ARHGAP26: variants seen among roughly 807,000 people sequenced by gnomAD.
ARHGAP26 encodes rho GTPase-activating protein 26.
ARHGAP26 carries 38 observed loss-of-function variants against 104.8 expected under a neutral mutation model. That is an observed-to-expected ratio of 0.36 (90% CI 0.28 to 0.48). The LOEUF (loss-of-function observed/expected upper bound fraction) is 0.48, where lower values mean the gene tolerates loss of function less well. ARHGAP26 is among the 20% of genes least tolerant of loss of function. The probability of loss-of-function intolerance (pLI) is 0.99; values close to 1 mark genes in which losing one functional copy is unlikely to be tolerated. For synonymous variants in ARHGAP26, 341 were observed against 340.0 expected (o/e 1.00, Z -0.03); for missense variants, 704 against 947.9 (o/e 0.74, Z 3.38).
intron 1 of ARHGAP26, among the ~76,000 whole-genome samples, chr5:142,790,855 A>G (rs753046715): frequency 1.3e-5 from 2 of 152,166 alleles, no homozygotes; most frequent in Non-Finnish European, 2.9e-5. Flanking sequence ...CTAAAGTCTC[A>G]GGTAGCTGTC....
chr5:143,208,299 G>A (rs1448106024), intron 21 of ARHGAP26, among the ~76,000 whole-genome samples: 1 of 152,202 alleles, frequency 6.6e-6, no homozygotes, highest in African/African-American at 2.4e-5. Context: ...TCAGCTTTCA[G>A]ACAACCAAAT....
chr5:143,040,699 G>C (rs1038596859), intron 13 of ARHGAP26, among the ~76,000 whole-genome samples: 1 of 152,230 alleles, frequency 6.6e-6, no homozygotes, highest in Non-Finnish European at 1.5e-5. Context: ...TTTAAGCTGA[G>C]ATCTGAATGA....
intron 14 of ARHGAP26, among the ~76,000 whole-genome samples, chr5:143,048,615 C>T (rs1784551622): frequency 6.6e-6 from 1 of 151,432 alleles, no homozygotes; most frequent in African/African-American, 2.4e-5. Flanking sequence ...ACGAATTATG[C>T]CATAGAAGAC....
At chr5:143,125,917 A>G (rs953543839) in intron 18 of ARHGAP26, among the ~76,000 whole-genome samples, 3 of 152,246 alleles carry the variant, frequency 2.0e-5, no homozygotes, top group Non-Finnish European at 4.4e-5. Context: ...GGAGAGGAAC[A>G]GGGGTTGAAC....
chr5:143,097,888 G>A (rs1599002518), intron 17 of ARHGAP26, among the ~76,000 whole-genome samples: 2 of 151,064 alleles, frequency 1.3e-5, no homozygotes, highest in African/African-American at 4.9e-5. Flanking sequence ...TAATTCAGAT[G>A]TCTCTGACAT....
At chr5:143,024,994 T>A (rs1174794423) in intron 12 of ARHGAP26, among the ~76,000 whole-genome samples, 2 of 152,196 alleles carry the variant, frequency 1.3e-5, no homozygotes, top group African/African-American at 4.8e-5. Flanking sequence ...ATCTTTGGTT[T>A]TTTTGGAAGA....
intron 17 of ARHGAP26, among the ~76,000 whole-genome samples, chr5:143,086,320 T>C (rs565424456): frequency 6.6e-6 from 1 of 152,152 alleles, no homozygotes; most frequent in Non-Finnish European, 1.5e-5. Context: ...ATTTTGACTG[T>C]GGGGGAAATA....
intron 11 of ARHGAP26, among the ~76,000 whole-genome samples, chr5:142,936,108 AACACACACACACACACAC>A (rs149919795): frequency 7.2e-6 from 1 of 139,762 alleles, no homozygotes; most frequent in East Asian, 2.1e-4. Context: ...AATCCCAAGG[AACACACACACACACACAC>A]ACACACACAC....
intron 11 of ARHGAP26, among the ~76,000 whole-genome samples, chr5:142,977,017 C>T (rs1052317352): frequency 6.6e-6 from 1 of 152,166 alleles, no homozygotes; most frequent in Non-Finnish European, 1.5e-5. Context: ...TGTATTCATC[C>T]CTAAAGTGGT....
At chr5:143,113,937 A>G (rs575994493) in intron 17 of ARHGAP26, among the ~76,000 whole-genome samples, 341 of 152,200 alleles carry the variant, frequency 2.2e-3, no homozygotes, top group African/African-American at 7.8e-3. Context: ...GGTTGGGAGT[A>G]TGGACTCTGC....
chr5:142,842,105 T>G (rs1770924207), intron 1 of ARHGAP26, among the ~76,000 whole-genome samples: 1 of 152,212 alleles, frequency 6.6e-6, no homozygotes, highest in South Asian at 2.1e-4. Flanking sequence ...ATTATTTTGA[T>G]TTGTGTTAAT....
intron 3 of ARHGAP26, among the ~76,000 whole-genome samples, chr5:142,876,245 A>G (rs1282630050): frequency 1.3e-5 from 2 of 152,158 alleles, no homozygotes; most frequent in East Asian, 1.9e-4. Flanking sequence ...ATACTGCATC[A>G]ATCAACATTT....
chr5:142,819,377 A>G (rs1765701398), intron 1 of ARHGAP26, among the ~76,000 whole-genome samples: 1 of 152,188 alleles, frequency 6.6e-6, no homozygotes, highest in Non-Finnish European at 1.5e-5. Flanking sequence ...GACAGGTCAC[A>G]AAAAGGACAC....
intron 11 of ARHGAP26, among the ~76,000 whole-genome samples, chr5:143,003,342 C>T (rs935276125): frequency 6.6e-6 from 1 of 152,190 alleles, no homozygotes; most frequent in African/African-American, 2.4e-5. Flanking sequence ...AATGTGAAAG[C>T]ATTGCCATAA....
intron 4 of ARHGAP26, among the ~76,000 whole-genome samples, chr5:142,884,327 C>T (rs1460132641): frequency 2.0e-5 from 3 of 152,218 alleles, no homozygotes; most frequent in Admixed American, 6.5e-5. Flanking sequence ...TCCAAGTTTT[C>T]TTATCAGTCA....
intron 11 of ARHGAP26, among the ~76,000 whole-genome samples, chr5:142,979,835 A>G (rs1773663356): frequency 6.6e-6 from 1 of 152,214 alleles, no homozygotes; most frequent in African/African-American, 2.4e-5. Flanking sequence ...AGGGCGGAGT[A>G]TGGGAGGTGG....
intron 5 of ARHGAP26, among the ~76,000 whole-genome samples, chr5:142,890,297 TAGG>T (rs1472411538): frequency 6.7e-6 from 1 of 149,962 alleles, no homozygotes; most frequent in Non-Finnish European, 1.5e-5. Flanking sequence ...TGTGTTTATC[TAGG>T]AGAAGAGGTT....
chr5:142,814,400 C>T (rs1193805310), intron 1 of ARHGAP26, among the ~76,000 whole-genome samples: 1 of 152,142 alleles, frequency 6.6e-6, no homozygotes, highest in Admixed American at 6.5e-5. Context: ...CCTGTTCTCT[C>T]AGGATATTAA....
chr5:142,924,154 A>G (rs1763586537), intron 10 of ARHGAP26, among the ~76,000 whole-genome samples: 1 of 152,004 alleles, frequency 6.6e-6, no homozygotes, highest in Admixed American at 6.6e-5. Context: ...CTTTCTAAAT[A>G]ATTGATTAGA....
Sources: allele counts gnomAD v4.1 joint callset (sites outside exome capture counted in the v4.1 genomes callset), GRCh38; gene constraint gnomAD v4.1.1; transcripts MANE v1.5; gene names NCBI Gene and HGNC (gene_info 2026-07-23, HGNC 2026-07-21).